HTR1E: variants seen among roughly 807,000 people sequenced by gnomAD.
The protein encoded by HTR1E is 5-hydroxytryptamine receptor 1E, also known as 5-HT-1E.
HTR1E carries 3 observed loss-of-function variants against 3.4 expected under a neutral mutation model. The observed-to-expected ratio is 0.89, with a 90% CI of 0.41 to 2.31. The LOEUF (loss-of-function observed/expected upper bound fraction) is 2.31, where lower values mean the gene tolerates loss of function less well. Ranked by LOEUF, HTR1E falls within the 30% of genes most tolerant of loss-of-function variation. HTR1E has a pLI of 0.05. For missense variants in HTR1E, 392 were observed against 467.0 expected (o/e 0.84, Z 1.48); for synonymous variants, 170 against 182.8 (o/e 0.93, Z 0.56).
rs376690211 is a variant in HTR1E, at chr6:86,985,296, A to T, written c.-185-29854A>T. ...GACAGAAAAAAAAAGAAAGTTTTTG[A>T]AACAATTTGATCCCTGATGTGTCCT... is the stretch of plus-strand genomic sequence containing the variant. On this transcript the variant is annotated intron_variant, in intron 1 of 1. Transcript: ENST00000305344. Among the ~76,000 whole-genome samples the T allele has an allele frequency of 3.3e-5, 5 of 152,190 alleles. No homozygotes were observed. The East Asian group carries it at 9.6e-4, about 29-fold the overall frequency.
intron 1 of HTR1E, among the ~76,000 whole-genome samples, chr6:86,991,274 T>C (rs1428893230): frequency 6.6e-6 from 1 of 152,122 alleles, no homozygotes; most frequent in Non-Finnish European, 1.5e-5. Flanking sequence ...AAGACATTAA[T>C]GCAAAAACTA....
rs143882402 is a variant in HTR1E, at chr6:86,976,628, T to C, written c.-185-38522T>C. The stretch of plus-strand genomic sequence containing the variant: ...ACTTTGTTGAAGAAAAATATTGATA[T>C]GTGTATAAATGGAACGCCTGCACTA... On this transcript the variant is annotated intron_variant, in intron 1 of 1. Coordinates refer to ENST00000305344, the MANE Select transcript of HTR1E (RefSeq NM_000865.3). Among the ~76,000 whole-genome samples, 1,335 of 152,304 alleles carry C rather than the reference T, an allele frequency of 8.8e-3. 24 individuals are homozygous for C. The highest frequency in any genetic ancestry group is 0.031 in the African/African-American group (1,273 of 41,542).
At chr6:86,990,499 G>T (rs1006853099) in intron 1 of HTR1E, among the ~76,000 whole-genome samples, 1 of 152,166 alleles carries the variant, frequency 6.6e-6, no homozygotes, top group Non-Finnish European at 1.5e-5. Context: ...AAATGGTTCA[G>T]CAGGAACTAA....
chr6:86,984,449 A>C (rs1767755137), intron 1 of HTR1E, among the ~76,000 whole-genome samples: 1 of 152,194 alleles, frequency 6.6e-6, no homozygotes, highest in Non-Finnish European at 1.5e-5. Flanking sequence ...TGTGTAAGGA[A>C]TTTACCCATG....
At chr6:86,979,424 G>T (rs974926048) in intron 1 of HTR1E, among the ~76,000 whole-genome samples, 3 of 152,170 alleles carry the variant, frequency 2.0e-5, no homozygotes, top group African/African-American at 7.2e-5. Flanking sequence ...ACTATAGATG[G>T]TCAGAGAAAT....
intron 1 of HTR1E, among the ~76,000 whole-genome samples, chr6:87,002,127 C>T (rs146898187): frequency 1.4e-3 from 217 of 152,266 alleles, no homozygotes; most frequent in African/African-American, 4.6e-3. Context: ...TTATTCCTTC[C>T]GGTAGGTTCT....
intron 1 of HTR1E, among the ~76,000 whole-genome samples, chr6:86,945,691 T>C (rs1051876797): frequency 2.0e-5 from 3 of 152,158 alleles, no homozygotes; most frequent in African/African-American, 7.2e-5. Flanking sequence ...TCAAAAAGGT[T>C]TTTTTAATTT....
intron 1 of HTR1E, among the ~76,000 whole-genome samples, chr6:86,952,458 T>C (rs1046015134): frequency 4.0e-5 from 6 of 151,526 alleles, no homozygotes; most frequent in Admixed American, 4.0e-4. Flanking sequence ...CCCAAAAAAG[T>C]TGTCTTTTCT....
chr6:87,008,127 T>C (rs1768145949), intron 1 of HTR1E, among the ~76,000 whole-genome samples: 1 of 152,164 alleles, frequency 6.6e-6, no homozygotes, highest in Admixed American at 6.5e-5. Context: ...TTATTATGAA[T>C]ATAATAACCT....
chr6:86,974,576 T>C (rs1246935596), intron 1 of HTR1E, among the ~76,000 whole-genome samples: 3 of 152,212 alleles, frequency 2.0e-5, no homozygotes, highest in Non-Finnish European at 4.4e-5. Flanking sequence ...GATGATTTGT[T>C]CTTATTAAAT....
chr6:86,985,254 G>C (rs914932496), intron 1 of HTR1E, among the ~76,000 whole-genome samples: 5 of 151,890 alleles, frequency 3.3e-5, no homozygotes, highest in African/African-American at 1.2e-4. Flanking sequence ...TTCCAATGTA[G>C]GAGCGCCAAA....
At chr6:86,955,573 C>G (rs1351489428) in intron 1 of HTR1E, among the ~76,000 whole-genome samples, 1 of 152,228 alleles carries the variant, frequency 6.6e-6, no homozygotes, top group Non-Finnish European at 1.5e-5. Context: ...TTCTGATCCA[C>G]AGAAGCTGTG....
chr6:86,945,290 T>A (rs1403517733), intron 1 of HTR1E, among the ~76,000 whole-genome samples: 1 of 152,336 alleles, frequency 6.6e-6, no homozygotes, highest in South Asian at 2.1e-4. Flanking sequence ...TCGCCCAGGC[T>A]GGAGTGCAGC....
chr6:86,945,512 G>A (rs1768603764), intron 1 of HTR1E, among the ~76,000 whole-genome samples: 1 of 151,858 alleles, frequency 6.6e-6, no homozygotes, highest in South Asian at 2.1e-4. Flanking sequence ...CAAAGTGCTG[G>A]GATTACAGGC....
At chr6:86,984,229 T>C (rs1767751933) in intron 1 of HTR1E, among the ~76,000 whole-genome samples, 2 of 152,194 alleles carry the variant, frequency 1.3e-5, no homozygotes, top group African/African-American at 4.8e-5. Flanking sequence ...TTCATTATAT[T>C]TCATATATTT....
intron 1 of HTR1E, among the ~76,000 whole-genome samples, chr6:87,009,590 C>T (rs1206999617): frequency 2.5e-3 from 365 of 148,366 alleles, no homozygotes; most frequent in Middle Eastern, 7.0e-3. Flanking sequence ...ACCTCCCAGA[C>T]GGGGTGGTGG....
rs1007295095 is a variant in HTR1E, at chr6:86,949,886, G to A, written c.-186+12063G>A. 2.0e-5 allele frequency among the ~76,000 whole-genome samples: 3 copies of A among 152,084 alleles called. No homozygotes were observed. In the South Asian group the frequency reaches 6.2e-4, roughly 32 times the overall value. The stretch of plus-strand genomic sequence containing the variant: ...ACCAGTTGCTCTTTGCAGAATGCTT[G>A]AATCATTTGGCTCTTGGTTAGTAGG... On this transcript the variant is annotated intron_variant, in intron 1 of 1. Coordinates refer to ENST00000305344, the MANE Select transcript of HTR1E (RefSeq NM_000865.3).
chr6:87,010,040 G>T (rs1165773754), intron 1 of HTR1E, among the ~76,000 whole-genome samples: 3 of 133,612 alleles, frequency 2.2e-5, no homozygotes, highest in Non-Finnish European at 4.8e-5. Context: ...CCCGGACGGG[G>T]TGGCTGGCCA....
chr6:86,986,011 A>G (rs1447906139), intron 1 of HTR1E, among the ~76,000 whole-genome samples: 1 of 152,022 alleles, frequency 6.6e-6, no homozygotes, highest in East Asian at 1.9e-4. Context: ...ATTTCTATAC[A>G]TTTCTCCTTC....
Sources: allele counts gnomAD v4.1 joint callset (sites outside exome capture counted in the v4.1 genomes callset), GRCh38; gene constraint gnomAD v4.1.1; transcripts MANE v1.5; gene names NCBI Gene and HGNC (gene_info 2026-07-23, HGNC 2026-07-21).